The following UBE2Q2 variants were observed in gnomAD, a reference collection of about 807,000 sequenced individuals.
The protein encoded by UBE2Q2 is ubiquitin conjugating enzyme E2 Q2, also known as ubiquitin-conjugating enzyme E2 Q2.
A neutral mutation model predicts 59.9 loss-of-function variants in UBE2Q2; 54 were observed. The observed-to-expected ratio is 0.90, with a 90% CI of 0.72 to 1.13. The LOEUF (loss-of-function observed/expected upper bound fraction) is 1.13, where lower values mean the gene tolerates loss of function less well. Among genes scored for constraint, UBE2Q2 ranks in the 50% most tolerant of loss-of-function variants. UBE2Q2 has a pLI of 0.00. For synonymous variants in UBE2Q2, 165 were observed against 155.2 expected (o/e 1.06, Z -0.47); for missense variants, 433 against 441.9 (o/e 0.98, Z 0.18).
At chr15:75,849,733 A>G (rs1896538769) in intron 1 of UBE2Q2, among the ~76,000 whole-genome samples, 1 of 152,182 alleles carries the variant, frequency 6.6e-6, no homozygotes, top group Non-Finnish European at 1.5e-5. Context: ...CTATAAAACT[A>G]ATAGAATGGA....
intron 1 of UBE2Q2, among the ~76,000 whole-genome samples, chr15:75,853,828 A>G (rs763538479): frequency 6.6e-6 from 1 of 152,170 alleles, no homozygotes; most frequent in Admixed American, 6.5e-5. Context: ...GGCAGGATTC[A>G]TCTCACAGGC....
intron 12 of UBE2Q2, among the ~76,000 whole-genome samples, chr15:75,897,751 G>A (rs919570919): frequency 2.0e-5 from 3 of 151,754 alleles, no homozygotes; most frequent in Non-Finnish European, 1.5e-5. Flanking sequence ...GTGGACTGCA[G>A]CCTCAAGTTC....
At chr15:75,885,405 C>T (rs564209444) in intron 9 of UBE2Q2, among the ~76,000 whole-genome samples, 2 of 152,276 alleles carry the variant, frequency 1.3e-5, no homozygotes, top group East Asian at 1.9e-4. Flanking sequence ...CATGAGCTAC[C>T]GCACCCCACC....
chr15:75,845,666 G>A (rs1462953151), intron 1 of UBE2Q2, among the ~76,000 whole-genome samples: 1 of 152,180 alleles, frequency 6.6e-6, no homozygotes. Context: ...TCCCAGTGGG[G>A]GTGGGGTGGT....
At chr15:75,857,723 T>C (rs765066027) in intron 2 of UBE2Q2, among the ~76,000 whole-genome samples, 3 of 150,896 alleles carry the variant, frequency 2.0e-5, no homozygotes, top group African/African-American at 4.9e-5. Context: ...AAAATCATAG[T>C]GTATAGTTTT....
chr15:75,844,646 C>G, intron 1 of UBE2Q2: 1 of 709,300 alleles, frequency 1.4e-6, no homozygotes, highest in South Asian at 2.2e-5. Context: ...GCGGAAATCT[C>G]ATTAGAAACC....
At position 75,900,088 on chromosome 15, in the gene UBE2Q2, A is replaced by G. The variant is rs17427548; in HGVS notation, c.*630A>G. 0.036 allele frequency: 5,539 copies of G among 152,658 alleles called. 164 individuals are homozygous for G. The highest frequency in any genetic ancestry group is 0.054 in the Non-Finnish European group (3,674 of 68,024). The allele number at this position is 152,658 out of a possible 1,614,324, so 9.5% of individuals were successfully genotyped here. On this transcript the variant is annotated 3_prime_UTR_variant, in exon 13 of 13. Coordinates refer to ENST00000267938, the MANE Select transcript of UBE2Q2 (RefSeq NM_173469.4). ...GGCAAAGCAGTGTAAAACTGTATCA[A>G]TTAAGGCTTGTGAGTAGTGATTTCC...
At chr15:75,863,176 C>T (rs1897282391) in intron 3 of UBE2Q2, among the ~76,000 whole-genome samples, 1 of 152,152 alleles carries the variant, frequency 6.6e-6, no homozygotes, top group Admixed American at 6.5e-5. Flanking sequence ...GAGTCTAGAG[C>T]CTCTTCAGGG....
At chr15:75,856,267 G>GTGTGTA (rs1896903928) in intron 2 of UBE2Q2, among the ~76,000 whole-genome samples, 2 of 102,414 alleles carry the variant, frequency 2.0e-5, no homozygotes, top group African/African-American at 8.0e-5. Context: ...GTGTGTGTGT[G>GTGTGTA]TGTATATATA....
At chr15:75,883,875 C>T (rs188889914) in intron 9 of UBE2Q2, among the ~76,000 whole-genome samples, 267 of 151,480 alleles carry the variant, frequency 1.8e-3, no homozygotes, top group African/African-American at 6.3e-3. Flanking sequence ...CGTATATATA[C>T]GCACATACTT....
intron 1 of UBE2Q2, among the ~76,000 whole-genome samples, chr15:75,853,074 A>T (rs1374083965): frequency 2.0e-5 from 3 of 152,210 alleles, no homozygotes; most frequent in Non-Finnish European, 4.4e-5. Context: ...CCAATTTATA[A>T]TAGAAAATCA....
chr15:75,861,010 T>C (rs909723601), intron 3 of UBE2Q2, among the ~76,000 whole-genome samples: 2 of 152,268 alleles, frequency 1.3e-5, no homozygotes, highest in Non-Finnish European at 2.9e-5. Context: ...TTTGTTCTGC[T>C]ACTTACTGGC....
At chr15:75,847,699 G>T (rs1896426816) in intron 1 of UBE2Q2, among the ~76,000 whole-genome samples, 1 of 151,906 alleles carries the variant, frequency 6.6e-6, no homozygotes, top group Non-Finnish European at 1.5e-5. Flanking sequence ...GGCTTTAGTC[G>T]TTTTGAAGTA....
At chr15:75,856,269 G>GTGTGTGTGTATATATATATA (rs1256142539) in intron 2 of UBE2Q2, among the ~76,000 whole-genome samples, 17 of 139,268 alleles carry the variant, frequency 1.2e-4, no homozygotes, top group African/African-American at 4.7e-4. Context: ...GTGTGTGTGT[G>GTGTGTGTGTATATATATATA]TATATATATA....
At chr15:75,894,024 T>C (rs1899255871) in intron 11 of UBE2Q2, among the ~76,000 whole-genome samples, 1 of 152,234 alleles carries the variant, frequency 6.6e-6, no homozygotes, top group Non-Finnish European at 1.5e-5. Context: ...TAGTTAAATC[T>C]ATAAGTTAAT....
At chr15:75,855,165 G>T (rs75083913) in intron 2 of UBE2Q2, among the ~76,000 whole-genome samples, 1 of 152,038 alleles carries the variant, frequency 6.6e-6, no homozygotes, top group African/African-American at 2.4e-5. Context: ...AATAGTTGAG[G>T]TCATGGTCTA....
chr15:75,897,194 T>G, intron 12 of UBE2Q2, 133 bp downstream of exon 12: 1 of 347,788 alleles, frequency 2.9e-6, no homozygotes, highest in Non-Finnish European at 5.4e-6. Flanking sequence ...AAACTTGTGC[T>G]GCATACAAAA....
At chr15:75,869,141 A>C (rs1333965326) in intron 4 of UBE2Q2, 131 bp downstream of exon 4, 3 of 749,892 alleles carry the variant, frequency 4.0e-6, no homozygotes, top group Non-Finnish European at 6.3e-6. Flanking sequence ...GGAATGGAAT[A>C]TAATTTCCCA....
chr15:75,876,528 T>C (rs1422406718), intron 6 of UBE2Q2, among the ~76,000 whole-genome samples: 1 of 152,208 alleles, frequency 6.6e-6, no homozygotes, highest in Non-Finnish European at 1.5e-5. Flanking sequence ...AACAGTGAAC[T>C]CTTACATGAT....
Sources: gnomAD v4.1 joint callset for allele counts (sites outside exome capture counted in the v4.1 genomes callset) on GRCh38, gnomAD v4.1.1 for gene constraint, MANE v1.5 for transcripts, NCBI Gene and HGNC (gene_info 2026-07-23, HGNC 2026-07-21) for gene names.